Variants in HIPK2 observed in about 807,000 individuals in gnomAD.
The protein encoded by HIPK2 is homeodomain-interacting protein kinase 2.
A neutral mutation model predicts 113.7 loss-of-function variants in HIPK2; 27 were observed. That is an observed-to-expected ratio of 0.24 (90% CI 0.17 to 0.33). The LOEUF is 0.33. Among genes scored for constraint, HIPK2 ranks in the 10% least tolerant of loss-of-function variants. HIPK2 has a pLI of 1.00. For synonymous variants in HIPK2, 631 were observed against 642.2 expected, an observed-to-expected ratio of 0.98 and a Z score of 0.26; for missense variants, 1,257 against 1,588.0, an observed-to-expected ratio of 0.79 and a Z score of 3.54.
intron 12 of HIPK2, among the ~76,000 whole-genome samples, chr7:139,594,016 CT>C (rs1799114358): frequency 6.6e-6 from 1 of 152,170 alleles, no homozygotes; most frequent in African/African-American, 2.4e-5. Context: ...CCCCAACCCC[CT>C]TTCCATCCTG....
intron 10 of HIPK2, 152 bp from the exon 11 acceptor site, chr7:139,600,748 T>A: frequency 2.9e-6 from 1 of 342,820 alleles, no homozygotes; most frequent in Non-Finnish European, 4.1e-6. Context: ...TGGCCATGTG[T>A]GCTCAACGGG....
At chr7:139,658,058 T>G (rs1321805558) in intron 2 of HIPK2, among the ~76,000 whole-genome samples, 2 of 152,158 alleles carry the variant, frequency 1.3e-5, no homozygotes, top group Non-Finnish European at 2.9e-5. Context: ...CATTCCTACT[T>G]GATCACCTTA....
At chr7:139,751,390 A>G (rs527963177) in intron 1 of HIPK2, among the ~76,000 whole-genome samples, 39 of 152,236 alleles carry the variant, frequency 2.6e-4, no homozygotes, top group African/African-American at 9.1e-4. Flanking sequence ...TCAAGAACCA[A>G]TCCTGGCTAG....
chr7:139,635,011 C>T (rs989126996), intron 2 of HIPK2, among the ~76,000 whole-genome samples: 10 of 152,030 alleles, frequency 6.6e-5, no homozygotes, highest in African/African-American at 2.2e-4. Flanking sequence ...AGAACACTAC[C>T]AAAAAAAGTA....
chr7:139,635,198 C>T (rs1800766532), intron 2 of HIPK2, among the ~76,000 whole-genome samples: 1 of 151,428 alleles, frequency 6.6e-6, no homozygotes, highest in African/African-American at 2.5e-5. Flanking sequence ...GTCACCTGGC[C>T]TCTTGGCTGG....
chr7:139,634,219 A>C (rs145823425), intron 2 of HIPK2, among the ~76,000 whole-genome samples: 1 of 152,278 alleles, frequency 6.6e-6, no homozygotes, highest in Non-Finnish European at 1.5e-5. Context: ...GGGCAGCAGA[A>C]GGAGTGACCG....
At chr7:139,711,241 T>C (rs1373277781) in intron 2 of HIPK2, among the ~76,000 whole-genome samples, 1 of 151,986 alleles carries the variant, frequency 6.6e-6, no homozygotes, top group East Asian at 1.9e-4. Context: ...TCCTGGCTAA[T>C]ACAGTGAAAC....
chr7:139,584,517 T>C (rs2116554522), intron 12 of HIPK2, among the ~76,000 whole-genome samples: 1 of 152,344 alleles, frequency 6.6e-6, no homozygotes, highest in South Asian at 2.1e-4. Context: ...AAGAATGTCA[T>C]AAGCTTAGGT....
chr7:139,776,067 CCTGTA>C (rs1796736594), intron 1 of HIPK2, among the ~76,000 whole-genome samples: 1 of 152,204 alleles, frequency 6.6e-6, no homozygotes, highest in Non-Finnish European at 1.5e-5. Context: ...GTAGCCCCCT[CCTGTA>C]GACGCAGATG....
Position 139,631,724 on chromosome 7 carries a change from C to T in HIPK2, c.1105G>A (p.Ala369Thr), listed in dbSNP as rs1569459177. The stretch of plus-strand genomic sequence containing the variant: ...GGTAAACCAAGGATGATCTCAGGGG[C>T]CCTGAAAAGGAAGAATGGAAGAAAC... ...STYLQSRYYR[A>T]PEIILGLPFC... Residue 369 changes from alanine to threonine, a missense_variant and splice_region_variant, in exon 3 of 15, where the codon GCC becomes ACC. Ala to Thr is a moderately conservative substitution (Grantham distance 58, BLOSUM62 0). Around this residue, in one of 5 missense-constraint regions of HIPK2, gnomAD observed 84 missense variants for 182.2 expected, o/e 0.46. Coordinates refer to ENST00000406875, the MANE Select transcript of HIPK2 (RefSeq NM_022740.5). The surrounding 1 kb of genome is among the most constrained non-coding windows in gnomAD (Gnocchi z 4.9). 2 of 1,611,576 alleles carry T rather than the reference C, an allele frequency of 1.2e-6. No individual in the cohort carries two copies. Among genetic ancestry groups the T allele is most frequent in the Non-Finnish European group, 1.7e-6 (2 of 1,178,932 alleles).
intron 7 of HIPK2, among the ~76,000 whole-genome samples, chr7:139,615,933 T>C (rs933396429): frequency 6.8e-6 from 1 of 147,668 alleles, no homozygotes; most frequent in African/African-American, 2.4e-5. Context: ...CGTGTGTACA[T>C]ATGTGGGCAT....
chr7:139,585,880 AT>A (rs1798817095), intron 12 of HIPK2, among the ~76,000 whole-genome samples: 1 of 152,218 alleles, frequency 6.6e-6, no homozygotes, highest in Non-Finnish European at 1.5e-5. Context: ...GAAGATTGAA[AT>A]CAAAGAAAAT....
intron 2 of HIPK2, among the ~76,000 whole-genome samples, chr7:139,704,165 C>T (rs1203032518): frequency 6.9e-6 from 1 of 144,162 alleles, no homozygotes; most frequent in Non-Finnish European, 1.5e-5. Context: ...ACATACACCC[C>T]CTCCACACCC....
In HIPK2 at chr7:139,567,495, C is replaced by A. The variant is rs192596210; in HGVS notation, c.*5432G>T. On this transcript the variant is annotated 3_prime_UTR_variant, in exon 15 of 15. Transcript: ENST00000406875. ...TGCCTGGAAAGGAACGAAGGGAAGG[C>A]CATTTTGTCCATTTCTGGAGGCGTC... 2 of 152,106 alleles carry A rather than the reference C, an allele frequency of 1.3e-5. No individual in the cohort carries two copies. The highest frequency in any genetic ancestry group is 3.9e-4 in the East Asian group (2 of 5,176). 9.4% of individuals were successfully genotyped at this position (152,106 alleles called of 1,614,324 possible). A position where few individuals can be genotyped will look rare whatever the true frequency, so the allele number is the denominator to read the frequency against.
intron 1 of HIPK2, among the ~76,000 whole-genome samples, chr7:139,733,009 G>C (rs745566037): frequency 6.6e-6 from 1 of 151,862 alleles, no homozygotes; most frequent in African/African-American, 2.4e-5. Flanking sequence ...TCCTTGCAAC[G>C]GGAGTGAGTT....
At chr7:139,690,103 G>A (rs1314196222) in intron 2 of HIPK2, among the ~76,000 whole-genome samples, 1 of 152,062 alleles carries the variant, frequency 6.6e-6, no homozygotes, top group Non-Finnish European at 1.5e-5. Flanking sequence ...TGACACAGCA[G>A]GTTTAAAGGG....
At position 139,688,802 on chromosome 7, in the gene HIPK2, A is replaced by G. The variant is rs1341653624; in HGVS notation, c.1103+27130T>C. On this transcript the variant is annotated intron_variant, in intron 2 of 14. Transcript: ENST00000406875. ...CAGACAGCAAAACTTAAAAATACTA[A>G]TGTTCATTATAAGACGGATTCTGCC... Among the ~76,000 whole-genome samples the G allele has an allele frequency of 3.3e-5, 5 of 152,286 alleles. No individual in the cohort carries two copies. In the East Asian group the frequency reaches 9.7e-4, roughly 29 times the overall value.
At chr7:139,759,723 A>ACAC (rs1459421913) in intron 1 of HIPK2, among the ~76,000 whole-genome samples, 1 of 152,228 alleles carries the variant, frequency 6.6e-6, no homozygotes, top group East Asian at 1.9e-4. Context: ...GAATAAGAAC[A>ACAC]CACCCATACA....
intron 6 of HIPK2, 106 bp from the exon 7 acceptor site, chr7:139,620,669 G>T: frequency 7.2e-7 from 1 of 1,394,942 alleles, no homozygotes. Context: ...GGTTAATTCA[G>T]TAAACAGGAC....
Sources: allele counts gnomAD v4.1 joint callset (sites outside exome capture counted in the v4.1 genomes callset), GRCh38; gene constraint gnomAD v4.1.1; regional missense constraint gnomAD v4.1.1; non-coding constraint Gnocchi (gnomAD v3.1); transcripts MANE v1.5; gene names NCBI Gene and HGNC (gene_info 2026-07-23, HGNC 2026-07-21).